ORC4: variants seen among roughly 807,000 people sequenced by gnomAD.
ORC4 encodes origin recognition complex subunit 4.
A neutral mutation model predicts 63.9 loss-of-function variants in ORC4; 55 were observed. The ratio of observed to expected loss-of-function variants is 0.86; its 90% confidence interval spans 0.69 to 1.08. The LOEUF (loss-of-function observed/expected upper bound fraction) is 1.08, where lower values mean the gene tolerates loss of function less well. Ranked by LOEUF, ORC4 falls within the 50% of genes least tolerant of loss-of-function variation. The pLI, the probability that ORC4 is intolerant of heterozygous loss-of-function variation, is 0.00. For missense variants in ORC4, 511 were observed against 504.4 expected (o/e 1.01, Z -0.13); for synonymous variants, 150 against 168.5 (o/e 0.89, Z 0.85).
At chr2:147,935,806 C>A in intron 13 of ORC4, 108 bp from the exon 14 acceptor site, 1 of 847,588 alleles carries the variant, frequency 1.2e-6, no homozygotes, top group Non-Finnish European at 2.0e-6. Context: ...GAACAGAGTA[C>A]TGGGAAGCAA....
intron 1 of ORC4, among the ~76,000 whole-genome samples, chr2:148,007,165 G>C (rs1445088831): frequency 3.9e-5 from 6 of 152,178 alleles, no homozygotes; most frequent in Non-Finnish European, 7.3e-5. Flanking sequence ...TGACAGGAAT[G>C]AACAAACCCA....
chr2:147,935,850 C>G lies in ORC4; in HGVS notation c.1123-152G>C, dbSNP rs1192165485. ...AACAATCAATAGGATTAAAAAAACTCTCACAACCCCATGAAAACTCATATT... is the reference window on the plus strand; with the variant it reads ...AACAATCAATAGGATTAAAAAAACTGTCACAACCCCATGAAAACTCATATT... On this transcript the variant is annotated intron_variant, in intron 13 of 13. Transcript: ENST00000392857. The G allele has an allele frequency of 6.2e-6, 4 of 646,596 alleles. No homozygotes were observed. The South Asian group carries it at 7.2e-5, about 12-fold the overall frequency. 40.1% of individuals were successfully genotyped at this position (646,596 alleles called of 1,614,324 possible). A position where few individuals can be genotyped will look rare whatever the true frequency, so the allele number is the denominator to read the frequency against.
chr2:147,968,777 C>T (rs1353042319), intron 4 of ORC4, among the ~76,000 whole-genome samples: 4 of 152,034 alleles, frequency 2.6e-5, no homozygotes, highest in Non-Finnish European at 4.4e-5. Context: ...AATCACACTA[C>T]TGAGAATTTA....
At chr2:148,012,266 C>A (rs994480784) in intron 1 of ORC4, among the ~76,000 whole-genome samples, 37 of 152,028 alleles carry the variant, frequency 2.4e-4, no homozygotes, top group African/African-American at 8.5e-4. Flanking sequence ...ACATGTAGAA[C>A]AACAGAACAG....
At chr2:147,949,940 A>G (rs1243436453) in intron 8 of ORC4, among the ~76,000 whole-genome samples, 1 of 152,178 alleles carries the variant, frequency 6.6e-6, no homozygotes, top group Non-Finnish European at 1.5e-5. Flanking sequence ...GATGACTCTC[A>G]TAATACCTAC....
At chr2:147,965,046 T>C (rs1019667132) in intron 4 of ORC4, among the ~76,000 whole-genome samples, 1 of 152,046 alleles carries the variant, frequency 6.6e-6, no homozygotes, top group Non-Finnish European at 1.5e-5. Flanking sequence ...ACCAGACCTA[T>C]AAGAAATGTT....
intron 1 of ORC4, among the ~76,000 whole-genome samples, chr2:147,991,180 T>C (rs1173824790): frequency 6.6e-6 from 1 of 151,860 alleles, no homozygotes; most frequent in Non-Finnish European, 1.5e-5. Context: ...CCTGAGTAGC[T>C]GGGATTACAG....
intron 5 of ORC4, chr2:147,958,587 A>G (rs574268008): frequency 1.7e-6 from 1 of 578,690 alleles, no homozygotes; most frequent in Non-Finnish European, 3.1e-6. Flanking sequence ...AAAAAAACCA[A>G]AAAACCCACA....
intron 1 of ORC4, among the ~76,000 whole-genome samples, chr2:147,993,492 T>C (rs2105408651): frequency 6.6e-6 from 1 of 152,306 alleles, no homozygotes; most frequent in South Asian, 2.1e-4. Context: ...TTGTTTCTAA[T>C]GAGACCCTTC....
intron 7 of ORC4, among the ~76,000 whole-genome samples, chr2:147,953,568 G>A (rs1203968797): frequency 6.6e-6 from 1 of 152,038 alleles, no homozygotes; most frequent in Non-Finnish European, 1.5e-5. Flanking sequence ...GAAATACAAG[G>A]TACATTTCTT....
At chr2:147,989,947 G>A (rs924154837) in intron 1 of ORC4, among the ~76,000 whole-genome samples, 19 of 152,106 alleles carry the variant, frequency 1.2e-4, no homozygotes, top group African/African-American at 4.1e-4. Context: ...CTTACTTTGA[G>A]GCAAAACCTT....
chr2:147,981,990 C>T (rs1470810813), intron 1 of ORC4: 1 of 152,112 alleles, frequency 6.6e-6, no homozygotes, highest in East Asian at 1.9e-4. Context: ...CAGGCCTTGA[C>T]AGACAGACAG....
chr2:147,946,195 T>G (rs1327508187), intron 9 of ORC4, among the ~76,000 whole-genome samples: 1 of 151,738 alleles, frequency 6.6e-6, no homozygotes, highest in Non-Finnish European at 1.5e-5. Context: ...TTTGAGATGC[T>G]CAGAATGCAA....
intron 4 of ORC4, among the ~76,000 whole-genome samples, chr2:147,965,754 A>T (rs930147191): frequency 7.9e-5 from 12 of 152,138 alleles, no homozygotes; most frequent in African/African-American, 2.7e-4. Context: ...TCACCCAACA[A>T]CTGCAGAATG....
In ORC4 at chr2:147,931,255, A is replaced by C. The variant is rs1687717135; in HGVS notation, c.*4255T>G. 2 of 150,874 alleles carry C rather than the reference A, an allele frequency of 1.3e-5. 1 individual carries two copies. The highest frequency in any genetic ancestry group is 4.2e-4 in the South Asian group (2 of 4,782). 9.3% of individuals were successfully genotyped at this position (150,874 alleles called of 1,614,324 possible). A position where few individuals can be genotyped will look rare whatever the true frequency, so the allele number is the denominator to read the frequency against. ...CCACGTTTTCTTAATCCAGTCTATC[A>C]TTGTTGGACATTTGGGTTGGTTCCA... On this transcript the variant is annotated 3_prime_UTR_variant, in exon 14 of 14. Transcript: ENST00000392857.
intron 7 of ORC4, among the ~76,000 whole-genome samples, chr2:147,954,091 G>T (rs1197799155): frequency 1.3e-5 from 2 of 151,408 alleles, no homozygotes; most frequent in Non-Finnish European, 2.9e-5. Context: ...ATGGATCAAT[G>T]AATGTTTTTA....
intron 4 of ORC4, among the ~76,000 whole-genome samples, chr2:147,963,758 C>T (rs1239353554): frequency 2.0e-5 from 3 of 152,024 alleles, no homozygotes; most frequent in African/African-American, 7.3e-5. Context: ...GAGAACCAGC[C>T]CAGCAAACCC....
intron 1 of ORC4, among the ~76,000 whole-genome samples, chr2:148,004,794 C>T (rs1188843541): frequency 6.6e-6 from 1 of 152,006 alleles, no homozygotes; most frequent in Non-Finnish European, 1.5e-5. Context: ...GGCCAACAAA[C>T]ATGTGAAAAA....
At chr2:147,991,349 CA>C in intron 1 of ORC4, among the ~76,000 whole-genome samples, 1 of 152,084 alleles carries the variant, frequency 6.6e-6, no homozygotes, top group South Asian at 2.1e-4. Context: ...GCACCCCATA[CA>C]TATATATCTT....
Sources: allele counts gnomAD v4.1 joint callset (sites outside exome capture counted in the v4.1 genomes callset), GRCh38; gene constraint gnomAD v4.1.1; transcripts MANE v1.5; gene names NCBI Gene and HGNC (gene_info 2026-07-23, HGNC 2026-07-21).